Variants in SMCHD1 observed in about 807,000 individuals in gnomAD.
SMCHD1 encodes structural maintenance of chromosomes flexible hinge domain-containing protein 1.
Under a neutral mutation model 254.7 loss-of-function variants are expected in SMCHD1, and 78 were observed. That is an observed-to-expected ratio of 0.31 (90% CI 0.26 to 0.37). The LOEUF is 0.37. Among genes scored for constraint, SMCHD1 ranks in the 10% least tolerant of loss-of-function variants. The pLI is 1.00. For synonymous variants in SMCHD1, 766 were observed against 794.9 expected, an observed-to-expected ratio of 0.96 and a Z score of 0.61; for missense variants, 1,840 against 2,408.1, an observed-to-expected ratio of 0.76 and a Z score of 4.94.
At chr18:2,668,960 G>A (rs112130218) in intron 3 of SMCHD1, among the ~76,000 whole-genome samples, 141 of 150,772 alleles carry the variant, frequency 9.4e-4, no homozygotes, top group African/African-American at 3.2e-3. Context: ...CTGTAGCCTC[G>A]AACTCCTAAG....
chr18:2,791,080 G>A (rs2143840333), intron 45 of SMCHD1, among the ~76,000 whole-genome samples: 1 of 152,256 alleles, frequency 6.6e-6, no homozygotes, highest in East Asian at 1.9e-4. Flanking sequence ...AAAAATAATA[G>A]CATTCATATA....
In SMCHD1 at chr18:2,804,321, G is replaced by T. The variant is rs1046200124; in HGVS notation, c.*1769G>T. ...AAACATGTCTTTTTTTCCCTTGAGC[G>T]ACAGTGGCCTCACTACATTGCCCAG... On this transcript the variant is annotated 3_prime_UTR_variant, in exon 48 of 48. Transcript: ENST00000320876. The T allele has an allele frequency of 2.0e-5, 3 of 151,988 alleles. No homozygotes were observed. Among genetic ancestry groups the T allele is most frequent in the Non-Finnish European group, 4.4e-5 (3 of 68,010 alleles). The allele number at this position is 151,988 out of a possible 1,614,324, so 9.4% of individuals were successfully genotyped here. A position where few individuals can be genotyped will look rare whatever the true frequency, so the allele number is the denominator to read the frequency against.
chr18:2,768,617 A>G (rs1344613248), intron 37 of SMCHD1, among the ~76,000 whole-genome samples: 3 of 133,978 alleles, frequency 2.2e-5, no homozygotes, highest in East Asian at 2.0e-4. Context: ...ATAGTGTACT[A>G]TATACTATAC....
Position 2,796,284 on chromosome 18 carries a change from T to C in SMCHD1, c.5879-123T>C. Reference sequence around the variant, plus strand: ...TAAACTATTCTTTCACCAGAAGTAATAGGCATTCTCAGTATACTTTCTTAA... The same window carrying C: ...TAAACTATTCTTTCACCAGAAGTAACAGGCATTCTCAGTATACTTTCTTAA... On this transcript the variant is annotated intron_variant, in intron 46 of 47. Coordinates refer to ENST00000320876, the MANE Select transcript of SMCHD1 (RefSeq NM_015295.3). 4.8e-6 allele frequency: 4 copies of C among 829,370 alleles called. No homozygotes were observed. The South Asian group carries it at 5.6e-5, about 12-fold the overall frequency. 51.4% of individuals were successfully genotyped at this position (829,370 alleles called of 1,614,324 possible). A position where few individuals can be genotyped will look rare whatever the true frequency, so the allele number is the denominator to read the frequency against.
intron 17 of SMCHD1, among the ~76,000 whole-genome samples, chr18:2,712,643 A>G (rs920195185): frequency 2.6e-5 from 4 of 152,212 alleles, no homozygotes; most frequent in African/African-American, 9.6e-5. Context: ...AAACCAAGGG[A>G]CAACTGTATA....
intron 39 of SMCHD1, among the ~76,000 whole-genome samples, chr18:2,770,907 C>T (rs117407905): frequency 0.013 from 1,923 of 152,288 alleles, 22 homozygotes; most frequent in Non-Finnish European, 0.02. Flanking sequence ...CAGGTGTTAG[C>T]CACCACACCC....
chr18:2,685,479 A>C (rs1005063072), intron 5 of SMCHD1, among the ~76,000 whole-genome samples: 2 of 152,250 alleles, frequency 1.3e-5, no homozygotes, highest in South Asian at 2.1e-4. Context: ...AGTTATAACC[A>C]TTTTAAAGTA....
chr18:2,660,544 G>A (rs982532626), intron 1 of SMCHD1, among the ~76,000 whole-genome samples: 3 of 146,740 alleles, frequency 2.0e-5, no homozygotes, highest in African/African-American at 5.2e-5. Flanking sequence ...CGCAATCTTG[G>A]CTCACTGCAA....
chr18:2,722,801 T>TA (rs2074953209), intron 20 of SMCHD1, 138 bp downstream of exon 20: 1 of 706,862 alleles, frequency 1.4e-6, no homozygotes, highest in African/African-American at 1.9e-5. Flanking sequence ...TATATCTGGG[T>TA]AATTTAGCTC....
At position 2,667,049 on chromosome 18, in the gene SMCHD1, A is replaced by G. The variant is rs761970837; in HGVS notation, c.424+18A>G. The G allele has an allele frequency of 9.8e-6, 15 of 1,532,440 alleles. No individual in the cohort carries two copies. The highest frequency in any genetic ancestry group is 1.3e-5 in the Non-Finnish European group (15 of 1,130,108). 94.9% of individuals were successfully genotyped at this position (1,532,440 alleles called of 1,614,324 possible). On this transcript the variant is annotated intron_variant, in intron 3 of 47. Transcript: ENST00000320876. ...TCCTTTGCGTAAGTATCCCATTCATACTAATTTTGATAAATTATTACCTGC... is the reference window on the plus strand; with the variant it reads ...TCCTTTGCGTAAGTATCCCATTCATGCTAATTTTGATAAATTATTACCTGC...
At chr18:2,738,000 C>T (rs936836137) in intron 25 of SMCHD1, among the ~76,000 whole-genome samples, 1 of 152,110 alleles carries the variant, frequency 6.6e-6, no homozygotes, top group African/African-American at 2.4e-5. Context: ...CTAAGAATAA[C>T]GTCCACCTAG....
rs140590289 is a variant in SMCHD1 at position 2,677,606 on chromosome 18, A to C, written c.638+3461A>C. On this transcript the variant is annotated intron_variant, in intron 5 of 47. Transcript: ENST00000320876. ...TGTCACTTTCTATCTCCTGGCAATC[A>C]CTAATATCCTTTTAATAGTTTTGTT... Among the ~76,000 whole-genome samples, 644 of 152,278 alleles carry C rather than the reference A, an allele frequency of 4.2e-3. 2 individuals are homozygous for C. The highest frequency in any genetic ancestry group is 0.014 in the African/African-American group (602 of 41,552).
intron 42 of SMCHD1, among the ~76,000 whole-genome samples, chr18:2,776,218 T>A (rs1374194694): frequency 6.6e-6 from 1 of 152,130 alleles, no homozygotes; most frequent in Non-Finnish European, 1.5e-5. Context: ...ACATAATATT[T>A]TTTTTTAAAT....
rs561778813 is a variant in SMCHD1, at chr18:2,732,340, T to G, written c.3124T>G (p.Phe1042Val). Reference protein sequence around the residue: ...PSSHVARLQIFSVEGQKAIQI... With the variant: ...PSSHVARLQIVSVEGQKAIQI... ...TAGCCATGTTGCAAGACTACAAATA[T>G]TCAGTGTAGAAGGACAAAAGGCAAT... Residue 1042 changes from phenylalanine to valine, a missense_variant, in exon 25 of 48, where the codon TTC becomes GTC. Coordinates refer to ENST00000320876, the MANE Select transcript of SMCHD1 (RefSeq NM_015295.3). The G allele has an allele frequency of 6.2e-7, 1 of 1,613,866 alleles. No homozygotes were observed. The highest frequency in any genetic ancestry group is 1.1e-5 in the South Asian group (1 of 91,084).
At chr18:2,705,846 G>A in intron 14 of SMCHD1, 39 bp downstream of exon 14, 1 of 1,233,620 alleles carries the variant, frequency 8.1e-7, no homozygotes, top group Non-Finnish European at 1.2e-6. Context: ...AAAGTTTCTT[G>A]ATAACACTTT....
intron 25 of SMCHD1, among the ~76,000 whole-genome samples, chr18:2,736,335 G>T (rs1057203479): frequency 1.3e-5 from 2 of 152,136 alleles, no homozygotes; most frequent in African/African-American, 4.8e-5. Context: ...TAGCCATTCT[G>T]GATGTCGGCC....
At position 2,697,872 on chromosome 18, in the gene SMCHD1, C is replaced by A. The variant is rs771879056; in HGVS notation, c.1173C>A (p.Asn391Lys). 21 of 1,613,140 alleles carry A rather than the reference C, an allele frequency of 1.3e-5. No individual in the cohort carries two copies. Among genetic ancestry groups the A allele is most frequent in the Non-Finnish European group, 1.7e-5 (20 of 1,179,436 alleles). Residue 391 changes from asparagine to lysine, a missense_variant, in exon 10 of 48, where the codon AAC (asparagine) becomes AAA (lysine). Coordinates refer to ENST00000320876, the MANE Select transcript of SMCHD1 (RefSeq NM_015295.3). ...AAGGGAAGGTACCTAAGATTGTCAA[C>A]CTAAGGGAAATACAAGACGACATGC... ...FEKGKVPKIV[N>K]LREIQDDMQT...
At chr18:2,695,269 C>T (rs769074791) in intron 8 of SMCHD1, among the ~76,000 whole-genome samples, 1 of 151,692 alleles carries the variant, frequency 6.6e-6, no homozygotes, top group Non-Finnish European at 1.5e-5. Flanking sequence ...TTCCATTAGA[C>T]CAAATCAGAG....
intron 12 of SMCHD1, 69 bp from the exon 13 acceptor site, chr18:2,703,623 T>C: frequency 7.8e-7 from 1 of 1,286,234 alleles, no homozygotes; most frequent in South Asian, 1.3e-5. Flanking sequence ...ATAAAATGAA[T>C]GACAAATGTT....
Sources: allele counts gnomAD v4.1 joint callset (sites outside exome capture counted in the v4.1 genomes callset), GRCh38; gene constraint gnomAD v4.1.1; transcripts MANE v1.5; gene names NCBI Gene and HGNC (gene_info 2026-07-23, HGNC 2026-07-21).